PCDHGA3: variants seen among roughly 807,000 people sequenced by gnomAD.
PCDHGA3 encodes the protein protocadherin gamma subfamily A, 3.
A neutral mutation model predicts 58.5 loss-of-function variants in PCDHGA3; 40 were observed. The observed-to-expected ratio is 0.68, with a 90% CI of 0.53 to 0.89. The LOEUF is 0.89. Ranked by LOEUF, PCDHGA3 falls within the 40% of genes least tolerant of loss-of-function variation. The pLI, the probability that PCDHGA3 is intolerant of heterozygous loss-of-function variation, is 0.00. For missense variants in PCDHGA3, 1,223 were observed against 1,195.9 expected (o/e 1.02, Z -0.33); for synonymous variants, 530 against 525.7 (o/e 1.01, Z -0.11).
chr5:141,366,416 G>A (rs767881897), intron 1 of PCDHGA3: 1 of 1,614,000 alleles, frequency 6.2e-7, no homozygotes, highest in African/African-American at 1.3e-5. Context: ...TCTTGTGGTG[G>A]CAGTGGCTGC....
intron 1 of PCDHGA3, chr5:141,428,099 C>T: frequency 6.8e-6 from 11 of 1,608,710 alleles, no homozygotes; most frequent in East Asian, 2.2e-5. Context: ...TGTCCTACCA[C>T]GTGCTGCAGG....
chr5:141,364,856 C>G (rs748996283), intron 1 of PCDHGA3: 1 of 1,614,006 alleles, frequency 6.2e-7, no homozygotes, highest in Non-Finnish European at 8.5e-7. Flanking sequence ...CAGCTCCAAT[C>G]TGCACTTCTC....
chr5:141,417,634 G>A, intron 1 of PCDHGA3: 1 of 721,778 alleles, frequency 1.4e-6, no homozygotes, highest in Non-Finnish European at 2.1e-6. Context: ...GCTGACGCCG[G>A]GGATCCCTCA....
chr5:141,399,699 C>A lies in PCDHGA3; in HGVS notation c.2424+53242C>A, dbSNP rs555724833. ...TTGACTACGAGCAGCTGCGCACCTT[C>A]GAACTCACACTACAGGCCCGCGACC... On this transcript the variant is annotated intron_variant, in intron 1 of 3. Coordinates refer to ENST00000253812, the MANE Select transcript of PCDHGA3 (RefSeq NM_018916.4). The A allele has an allele frequency of 1.9e-6, 3 of 1,613,476 alleles. No homozygotes were observed. In the East Asian group the frequency reaches 6.7e-5, roughly 36 times the overall value.
intron 1 of PCDHGA3, among the ~76,000 whole-genome samples, chr5:141,438,564 T>A (rs1192918137): frequency 1.5e-5 from 2 of 137,114 alleles, no homozygotes; most frequent in Non-Finnish European, 3.1e-5. Flanking sequence ...AAGAGGCAGC[T>A]GTCTGATATA....
At chr5:141,427,954 T>G in intron 1 of PCDHGA3, 1 of 1,587,162 alleles carries the variant, frequency 6.3e-7, no homozygotes, top group Non-Finnish European at 8.6e-7. Context: ...AATGACAATG[T>G]GCCGCGGGTG....
At chr5:141,366,369 C>A in intron 1 of PCDHGA3, 2 of 1,614,106 alleles carry the variant, frequency 1.2e-6, no homozygotes, top group Non-Finnish European at 1.7e-6. Context: ...AGTATCAAGA[C>A]CCCCATTGAC....
At chr5:141,430,595 G>C (rs549786394) in intron 1 of PCDHGA3, 1 of 567,016 alleles carries the variant, frequency 1.8e-6, no homozygotes. Flanking sequence ...CCTTGCACGC[G>C]CCTGAAGCAC....
At chr5:141,474,892 A>G (rs1419975508) in intron 1 of PCDHGA3, among the ~76,000 whole-genome samples, 1 of 152,208 alleles carries the variant, frequency 6.6e-6, no homozygotes, top group Non-Finnish European at 1.5e-5. Context: ...TTAGAGGTTC[A>G]TTTCTTGTTC....
At chr5:141,416,132 A>C in intron 1 of PCDHGA3, 1 of 154,082 alleles carries the variant, frequency 6.5e-6, no homozygotes, top group Non-Finnish European at 1.4e-5. Context: ...ATATTTTTCA[A>C]TCTATACTTT....
intron 2 of PCDHGA3, among the ~76,000 whole-genome samples, chr5:141,503,393 G>A (rs954734829): frequency 2.0e-5 from 3 of 151,824 alleles, no homozygotes; most frequent in African/African-American, 4.8e-5. Flanking sequence ...TCAGGAGTTC[G>A]AAACCAACCT....
intron 1 of PCDHGA3, chr5:141,352,456 G>T: frequency 1.9e-6 from 3 of 1,614,010 alleles, no homozygotes; most frequent in Non-Finnish European, 2.5e-6. Context: ...CCAAGTCTGG[G>T]CCCGGGGTTC....
At chr5:141,351,804 C>A (rs752529043) in intron 1 of PCDHGA3, 1 of 1,613,328 alleles carries the variant, frequency 6.2e-7, no homozygotes, top group South Asian at 1.1e-5. Flanking sequence ...GCGCAGCGCG[C>A]CTTCGACCAC....
intron 1 of PCDHGA3, among the ~76,000 whole-genome samples, chr5:141,470,845 G>T (rs1381257094): frequency 1.3e-5 from 2 of 151,972 alleles, no homozygotes; most frequent in African/African-American, 4.8e-5. Flanking sequence ...ACGCCACCAT[G>T]CTCAGATAAG....
At chr5:141,385,897 T>G (rs1239530596) in intron 1 of PCDHGA3, 1 of 152,628 alleles carries the variant, frequency 6.6e-6, no homozygotes, top group East Asian at 1.9e-4. Flanking sequence ...GAAATGTGTG[T>G]GTATCACACT....
intron 1 of PCDHGA3, chr5:141,370,539 A>G: frequency 6.2e-7 from 1 of 1,613,826 alleles, no homozygotes; most frequent in Admixed American, 1.7e-5. Context: ...GCTGGTAGGG[A>G]ACCTCGCCAA....
chr5:141,395,209 A>G, intron 1 of PCDHGA3: 1 of 1,613,372 alleles, frequency 6.2e-7, no homozygotes, highest in Non-Finnish European at 8.5e-7. Flanking sequence ...GATTTTCATG[A>G]ATATAAGAAT....
intron 1 of PCDHGA3, chr5:141,423,721 T>C (rs2096769391): frequency 8.3e-7 from 1 of 1,208,140 alleles, no homozygotes; most frequent in East Asian, 3.8e-5. Flanking sequence ...TTTAAGGAGA[T>C]GTTTTTTGAG....
At chr5:141,482,719 G>C (rs1221351410) in intron 1 of PCDHGA3, among the ~76,000 whole-genome samples, 1 of 129,252 alleles carries the variant, frequency 7.7e-6, no homozygotes, top group African/African-American at 3.5e-5. Flanking sequence ...GGCAGGGAGG[G>C]GCCATTGCAA....
Sources: gnomAD v4.1 joint callset for allele counts (sites outside exome capture counted in the v4.1 genomes callset) on GRCh38, gnomAD v4.1.1 for gene constraint, MANE v1.5 for transcripts, NCBI Gene and HGNC (gene_info 2026-07-23, HGNC 2026-07-21) for gene names.